COP1: variants seen among roughly 807,000 people sequenced by gnomAD.
COP1 encodes the protein COP1 E3 ubiquitin ligase, also known as E3 ubiquitin-protein ligase COP1.
In COP1, 24 loss-of-function variants were observed where a neutral mutation model predicts 101.3. That is an observed-to-expected ratio of 0.24 (90% CI 0.17 to 0.33). The LOEUF (loss-of-function observed/expected upper bound fraction) is 0.33, where lower values mean the gene tolerates loss of function less well. Among genes scored for constraint, COP1 ranks in the 10% least tolerant of loss-of-function variants. The pLI is 1.00. For synonymous variants in COP1, 347 were observed against 341.9 expected (o/e 1.01, Z -0.17); for missense variants, 663 against 906.2 (o/e 0.73, Z 3.45).
At chr1:176,173,145 A>C (rs1169967538) in intron 3 of COP1, among the ~76,000 whole-genome samples, 3 of 151,902 alleles carry the variant, frequency 2.0e-5, no homozygotes, top group Admixed American at 6.6e-5. Context: ...CCCTGTCTCT[A>C]CTAAAAATAC....
chr1:175,968,816 T>A (rs1345950092), intron 18 of COP1, among the ~76,000 whole-genome samples: 1 of 152,236 alleles, frequency 6.6e-6, no homozygotes, highest in Non-Finnish European at 1.5e-5. Context: ...TCTCGCCAAC[T>A]GGCCCTAAAC....
intron 11 of COP1, among the ~76,000 whole-genome samples, chr1:176,075,621 T>A (rs1190372269): frequency 5.3e-5 from 8 of 152,168 alleles, no homozygotes; most frequent in Non-Finnish European, 4.4e-5. Context: ...TTTAAAATAC[T>A]TAAGCATATA....
At chr1:175,989,325 T>C in intron 16 of COP1, 37 bp downstream of exon 16, 1 of 1,036,458 alleles carries the variant, frequency 9.6e-7, no homozygotes. Context: ...TACAGAGCTC[T>C]GTATTAAGCT....
chr1:175,963,570 G>A (rs1290596388), intron 18 of COP1, among the ~76,000 whole-genome samples: 5 of 152,140 alleles, frequency 3.3e-5, no homozygotes, highest in Admixed American at 1.3e-4. Context: ...TGCCTTAAAA[G>A]ATTGATGATG....
At chr1:175,967,546 TGTA>T (rs1310657150) in intron 18 of COP1, among the ~76,000 whole-genome samples, 1 of 152,134 alleles carries the variant, frequency 6.6e-6, no homozygotes, top group African/African-American at 2.4e-5. Flanking sequence ...TGCTGTAAGT[TGTA>T]GAAGTTAGGG....
chr1:176,111,421 G>A (rs938876697), intron 9 of COP1, among the ~76,000 whole-genome samples: 1 of 152,022 alleles, frequency 6.6e-6, no homozygotes, highest in African/African-American at 2.4e-5. Flanking sequence ...AGCCTCCTGA[G>A]CAGCTGGGAC....
intron 1 of COP1, among the ~76,000 whole-genome samples, chr1:176,193,593 A>G (rs1343585974): frequency 3.3e-5 from 5 of 152,136 alleles, no homozygotes; most frequent in Non-Finnish European, 7.4e-5. Flanking sequence ...TTATTTAATA[A>G]TATTCCCACA....
At chr1:176,097,831 T>G (rs574212839) in intron 9 of COP1, among the ~76,000 whole-genome samples, 39 of 136,350 alleles carry the variant, frequency 2.9e-4, no homozygotes, top group Admixed American at 2.3e-3. Context: ...ATCATGCCAC[T>G]GCACTCCAGC....
intron 2 of COP1, among the ~76,000 whole-genome samples, chr1:176,183,877 T>C (rs1698105136): frequency 6.6e-6 from 1 of 152,150 alleles, no homozygotes; most frequent in South Asian, 2.1e-4. Flanking sequence ...TCGAGGTATC[T>C]AGAATAGTTA....
chr1:176,080,956 C>T lies in COP1; in HGVS notation c.1277+196G>A, dbSNP rs558964960. Among the ~76,000 whole-genome samples the T allele has an allele frequency of 3.3e-5, 5 of 152,200 alleles. No individual in the cohort carries two copies. In the East Asian group the frequency reaches 9.7e-4, roughly 29 times the overall value. On this transcript the variant is annotated intron_variant, in intron 11 of 19. Transcript: ENST00000367669. Reference sequence around the variant, plus strand: ...AAGCTACAACCTTATGAGAAGGATACTATCAATTATTCCACTTTAGAGACG... The same window carrying T: ...AAGCTACAACCTTATGAGAAGGATATTATCAATTATTCCACTTTAGAGACG...
At chr1:176,168,715 AG>A in intron 3 of COP1, 2 of 355,374 alleles carry the variant, frequency 5.6e-6, no homozygotes, top group South Asian at 2.1e-5. Context: ...TTCAAAACCA[AG>A]GGAGGCAGAG....
In COP1 at chr1:176,179,562, C is replaced by T. The variant is rs116831883; in HGVS notation, c.468-3555G>A. Among the ~76,000 whole-genome samples, 1,008 of 151,728 alleles carry T rather than the reference C, an allele frequency of 6.6e-3. 9 individuals carry two copies. Among genetic ancestry groups the T allele is most frequent in the African/African-American group, 0.023 (957 of 41,348 alleles). Reference sequence around the variant, plus strand: ...CAGCTCAGGCAATGTGGTGAAACCCCAACTCTAAAAAAATTTTAAAAATTA... The same window carrying T: ...CAGCTCAGGCAATGTGGTGAAACCCTAACTCTAAAAAAATTTTAAAAATTA... On this transcript the variant is annotated intron_variant, in intron 2 of 19. Transcript: ENST00000367669.
At position 175,963,965 on chromosome 1, in the gene COP1, G is replaced by A. The variant is rs1442975931; in HGVS notation, c.2134-16726C>T. Reference sequence around the variant, plus strand: ...AAAACAAGTACAGTTGTCCAGTTATGTGGATTCGTATATAAAATGTTAAAG... The same window carrying A: ...AAAACAAGTACAGTTGTCCAGTTATATGGATTCGTATATAAAATGTTAAAG... On this transcript the variant is annotated intron_variant, in intron 18 of 19. Coordinates refer to ENST00000367669, the MANE Select transcript of COP1 (RefSeq NM_022457.7). Among the ~76,000 whole-genome samples the A allele has an allele frequency of 2.6e-5, 4 of 152,178 alleles. No individual in the cohort carries two copies. The East Asian group carries it at 7.7e-4, about 29-fold the overall frequency.
chr1:176,018,158 C>A (rs1236788467), intron 15 of COP1, among the ~76,000 whole-genome samples: 3 of 152,112 alleles, frequency 2.0e-5, no homozygotes, highest in African/African-American at 4.8e-5. Flanking sequence ...ATTATTTACC[C>A]TTTACTTTGT....
intron 11 of COP1, among the ~76,000 whole-genome samples, chr1:176,059,665 T>G (rs1674501899): frequency 6.6e-6 from 1 of 152,086 alleles, no homozygotes; most frequent in Non-Finnish European, 1.5e-5. Flanking sequence ...GTATTTTTAG[T>G]AGAGACGGGG....
chr1:176,143,379 GCAAA>G (rs1258404613), intron 6 of COP1, among the ~76,000 whole-genome samples: 1 of 151,918 alleles, frequency 6.6e-6, no homozygotes, highest in Non-Finnish European at 1.5e-5. Context: ...AAAACTTCCC[GCAAA>G]CAATCACAGG....
chr1:176,049,129 G>A (rs1237641758), intron 11 of COP1, among the ~76,000 whole-genome samples: 2 of 144,864 alleles, frequency 1.4e-5, no homozygotes, highest in South Asian at 2.2e-4. Context: ...CCGAGATTGC[G>A]CCATTGCAGT....
chr1:176,018,005 G>A (rs1217715575), intron 15 of COP1, among the ~76,000 whole-genome samples: 5 of 151,524 alleles, frequency 3.3e-5, no homozygotes, highest in South Asian at 2.1e-4. Flanking sequence ...TCCCCTTAAC[G>A]CCTGCTCTCA....
intron 15 of COP1, among the ~76,000 whole-genome samples, chr1:176,014,077 G>T (rs189622973): frequency 6.6e-6 from 1 of 152,096 alleles, no homozygotes; most frequent in Non-Finnish European, 1.5e-5. Flanking sequence ...TCATGTTTTT[G>T]GTGGAGAATA....
Sources: allele counts gnomAD v4.1 joint callset (sites outside exome capture counted in the v4.1 genomes callset), GRCh38; gene constraint gnomAD v4.1.1; transcripts MANE v1.5; gene names NCBI Gene and HGNC (gene_info 2026-07-23, HGNC 2026-07-21).